TNNI3K: variants seen among roughly 807,000 people sequenced by gnomAD.
TNNI3K encodes the protein TNNI3 interacting kinase, also known as serine/threonine-protein kinase TNNI3K.
TNNI3K carries 140 observed loss-of-function variants against 114.5 expected under a neutral mutation model. The ratio of observed to expected loss-of-function variants is 1.22; its 90% CI spans 1.07 to 1.41. The LOEUF (loss-of-function observed/expected upper bound fraction) is 1.41, where lower values mean the gene tolerates loss of function less well. Among genes scored for constraint, TNNI3K ranks in the 40% most tolerant of loss-of-function variants. The probability of loss-of-function intolerance (pLI) is 0.00; values close to 1 mark genes in which losing one functional copy is unlikely to be tolerated. For synonymous variants in TNNI3K, 347 were observed against 347.5 expected (o/e 1.00, Z 0.02); for missense variants, 1,125 against 1,007.6 (o/e 1.12, Z -1.58).
chr1:74,440,096 C>CAT (rs138885384), intron 20 of TNNI3K, among the ~76,000 whole-genome samples: 137 of 150,226 alleles, frequency 9.1e-4, no homozygotes, highest in Middle Eastern at 3.4e-3. Context: ...GTATTATATG[C>CAT]ATATATATAT....
intron 5 of TNNI3K, among the ~76,000 whole-genome samples, chr1:74,282,687 T>G (rs1657088286): frequency 6.6e-6 from 1 of 152,208 alleles, no homozygotes; most frequent in Non-Finnish European, 1.5e-5. Context: ...AATGTCATGT[T>G]GAATCTGTAA....
intron 23 of TNNI3K, among the ~76,000 whole-genome samples, chr1:74,511,330 C>T (rs1307647945): frequency 1.3e-5 from 2 of 152,052 alleles, no homozygotes; most frequent in East Asian, 1.9e-4. Context: ...GTAGCTGGGA[C>T]TACAGGCACA....
chr1:74,284,682 C>T (rs759481960), intron 5 of TNNI3K, among the ~76,000 whole-genome samples: 8 of 152,164 alleles, frequency 5.3e-5, no homozygotes, highest in Non-Finnish European at 8.8e-5. Context: ...TTTCTCTGCC[C>T]TAAAGCAGAT....
intron 17 of TNNI3K, among the ~76,000 whole-genome samples, chr1:74,398,343 TAGG>T (rs1487485824): frequency 6.6e-6 from 1 of 152,016 alleles, no homozygotes; most frequent in East Asian, 1.9e-4. Context: ...CCAAACTGCA[TAGG>T]AGAAGTTATT....
At chr1:74,247,888 C>T (rs934818032) in intron 2 of TNNI3K, among the ~76,000 whole-genome samples, 6 of 152,198 alleles carry the variant, frequency 3.9e-5, no homozygotes, top group East Asian at 1.9e-4. Flanking sequence ...GCCAGTCCCA[C>T]GCTGCGTGCC....
chr1:74,357,353 T>G (rs958973403), intron 11 of TNNI3K, among the ~76,000 whole-genome samples: 1 of 152,132 alleles, frequency 6.6e-6, no homozygotes, highest in Non-Finnish European at 1.5e-5. Flanking sequence ...ATTTAAATAG[T>G]TCATCCTAGT....
intron 21 of TNNI3K, among the ~76,000 whole-genome samples, chr1:74,472,803 C>T (rs1392759336): frequency 6.6e-6 from 1 of 152,116 alleles, no homozygotes; most frequent in African/African-American, 2.4e-5. Context: ...TGGCAGCAGT[C>T]TTTACCTGGG....
intron 23 of TNNI3K, among the ~76,000 whole-genome samples, chr1:74,497,885 C>T (rs116122259): frequency 1.8e-3 from 268 of 152,270 alleles, no homozygotes; most frequent in African/African-American, 5.6e-3. Flanking sequence ...CAGTGATACA[C>T]GTTTTCATCA....
intron 23 of TNNI3K, among the ~76,000 whole-genome samples, chr1:74,519,541 C>G (rs1646400793): frequency 1.6e-5 from 2 of 125,960 alleles, no homozygotes; most frequent in Admixed American, 7.3e-5. Context: ...CTCTCCAGCA[C>G]CTGTTGTTTC....
At chr1:74,415,089 C>T (rs762770530) in intron 17 of TNNI3K, among the ~76,000 whole-genome samples, 2 of 152,132 alleles carry the variant, frequency 1.3e-5, no homozygotes, top group Non-Finnish European at 1.5e-5. Flanking sequence ...CCAGCCACGA[C>T]GGGGCCTCTA....
chr1:74,531,870 C>T (rs371058598), intron 23 of TNNI3K, among the ~76,000 whole-genome samples: 10 of 152,150 alleles, frequency 6.6e-5, no homozygotes, highest in East Asian at 3.8e-4. Context: ...TTATGACAGA[C>T]GGCAATAAAC....
intron 17 of TNNI3K, among the ~76,000 whole-genome samples, chr1:74,431,771 G>T (rs529917336): frequency 1.2e-4 from 18 of 152,238 alleles, no homozygotes; most frequent in African/African-American, 4.3e-4. Flanking sequence ...TGCAAGGTTG[G>T]CTGGGCACGC....
At chr1:74,320,941 G>A (rs1296929481) in intron 5 of TNNI3K, among the ~76,000 whole-genome samples, 2 of 152,170 alleles carry the variant, frequency 1.3e-5, no homozygotes, top group East Asian at 3.8e-4. Flanking sequence ...TCATTCCTCT[G>A]TAATGTGAGG....
intron 20 of TNNI3K, among the ~76,000 whole-genome samples, chr1:74,443,259 C>T (rs1249884097): frequency 2.0e-5 from 3 of 151,798 alleles, no homozygotes; most frequent in Non-Finnish European, 4.4e-5. Flanking sequence ...ATAGATACAC[C>T]GCTAGCTAGA....
intron 4 of TNNI3K, among the ~76,000 whole-genome samples, chr1:74,264,734 T>C (rs1655868238): frequency 6.6e-6 from 1 of 152,130 alleles, no homozygotes; most frequent in Non-Finnish European, 1.5e-5. Flanking sequence ...ACCCTGCAGA[T>C]AAAGAAATGG....
intron 5 of TNNI3K, among the ~76,000 whole-genome samples, chr1:74,295,656 A>C (rs1190120481): frequency 1.3e-5 from 2 of 152,096 alleles, no homozygotes; most frequent in South Asian, 4.1e-4. Context: ...ATCTTTTAGC[A>C]ATATCACTAT....
chr1:74,449,237 C>G (rs1343854395), intron 20 of TNNI3K, among the ~76,000 whole-genome samples: 1 of 151,754 alleles, frequency 6.6e-6, no homozygotes, highest in Non-Finnish European at 1.5e-5. Context: ...CTAGATTTTC[C>G]AGTTTATTTG....
intron 17 of TNNI3K, among the ~76,000 whole-genome samples, chr1:74,399,657 G>A (rs1184020660): frequency 6.6e-6 from 1 of 152,122 alleles, no homozygotes; most frequent in African/African-American, 2.4e-5. Flanking sequence ...AGGATGAATG[G>A]GAAGTGTATA....
Position 74,354,015 on chromosome 1 carries a change from C to T in TNNI3K, c.1063C>T (p.Leu355=), listed in dbSNP as rs199656635. The part of the protein sequence containing the change: ...HSACYHGHIR[L]VQFLLDNGAD... ...TGCTTGCTACCACGGTCACATTCGC[C>T]TGGTTCAGTTCTTACTGGATAATGG... Residue 355 remains leucine, a synonymous_variant, in exon 11 of 25, where the codon CTG becomes TTG. Transcript: ENST00000326637. 8 of 1,613,852 alleles carry T rather than the reference C, an allele frequency of 5.0e-6. No individual in the cohort carries two copies. The highest frequency in any genetic ancestry group is 6.8e-6 in the Non-Finnish European group (8 of 1,179,974).
Sources: gnomAD v4.1 joint callset for allele counts (sites outside exome capture counted in the v4.1 genomes callset) on GRCh38, gnomAD v4.1.1 for gene constraint, MANE v1.5 for transcripts, NCBI Gene and HGNC (gene_info 2026-07-23, HGNC 2026-07-21) for gene names.